The following TMEM230 variants were observed in gnomAD, a reference collection of about 807,000 sequenced individuals.
The protein encoded by TMEM230 is UPF0414 transmembrane protein C20orf30.
TMEM230 carries 10 observed loss-of-function variants against 15.8 expected under a neutral mutation model. The ratio of observed to expected loss-of-function variants is 0.63; its 90% CI spans 0.39 to 1.07. TMEM230 has a LOEUF of 1.07. Ranked by LOEUF, TMEM230 falls within the 50% of genes least tolerant of loss-of-function variation. The pLI is 0.01. For synonymous variants in TMEM230, 67 were observed against 76.9 expected, an observed-to-expected ratio of 0.87 and a Z score of 0.68; for missense variants, 165 against 193.3, an observed-to-expected ratio of 0.85 and a Z score of 0.87.
At chr20:5,071,551 C>T (rs754858307) in intron 3 of TMEM230, among the ~76,000 whole-genome samples, 6 of 148,728 alleles carry the variant, frequency 4.0e-5, no homozygotes, top group Non-Finnish European at 7.4e-5. Context: ...TGAACCCGGA[C>T]GGCGGAGGTT....
At chr20:5,099,542 C>A (rs1198264848), downstream of TMEM230, among the ~76,000 whole-genome samples, 1 of 151,974 alleles carries the variant, frequency 6.6e-6, no homozygotes, top group Non-Finnish European at 1.5e-5. Flanking sequence ...TTTTAAGATA[C>A]TGTCCAAATG....
At chr20:5,061,138 A>G in the TMEM230 span, 1 of 152,226 alleles carries the variant, frequency 6.6e-6, no homozygotes, top group Non-Finnish European at 1.5e-5. Context: ...GTATGCTTGT[A>G]TAACATATTA....
chr20:5,063,634 C>T (rs780463175), downstream of TMEM230, among the ~76,000 whole-genome samples: 1 of 152,088 alleles, frequency 6.6e-6, no homozygotes, highest in Non-Finnish European at 1.5e-5. Flanking sequence ...AGGAACTAAG[C>T]TTTCTTTGAG....
chr20:5,064,896 C>T (rs780373248), downstream of TMEM230, among the ~76,000 whole-genome samples: 53 of 151,228 alleles, frequency 3.5e-4, no homozygotes, highest in Non-Finnish European at 6.3e-4. Context: ...AGGGGCTAGG[C>T]GTGGTGGCTC....
intron 3 of TMEM230, 35 bp downstream of exon 2, chr20:5,109,297 G>T: frequency 6.5e-7 from 1 of 1,539,124 alleles, no homozygotes; most frequent in Non-Finnish European, 8.9e-7. Context: ...CAGAAACACA[G>T]CCAGTCAGTC....
chr20:5,094,655 T>C (rs2089612505), intron 3 of TMEM230, among the ~76,000 whole-genome samples: 1 of 131,210 alleles, frequency 7.6e-6, no homozygotes, highest in South Asian at 2.4e-4. Flanking sequence ...TGCAGTGAGC[T>C]GAGATCCCGC....
downstream of TMEM230, among the ~76,000 whole-genome samples, chr20:5,067,042 G>A (rs1174633831): frequency 6.6e-6 from 1 of 152,162 alleles, no homozygotes; most frequent in Non-Finnish European, 1.5e-5. Flanking sequence ...CCAAGTAGTG[G>A]AGAAGTGAGA....
chr20:5,078,567 T>C lies in TMEM230; in HGVS notation c.223-9218A>G, dbSNP rs73589369. On this transcript the variant is annotated intron_variant, in intron 3 of 3. Transcript: ENST00000612323. ...AAAGGTGTACTTCACTCTCGCACTTTGTGTTCATTATGGGTCAACGCGGGG... is the reference window on the plus strand; with the variant it reads ...AAAGGTGTACTTCACTCTCGCACTTCGTGTTCATTATGGGTCAACGCGGGG... Among the ~76,000 whole-genome samples the C allele has an allele frequency of 7.5e-3, 1,143 of 152,318 alleles. 18 individuals are homozygous for C. The highest frequency in any genetic ancestry group is 0.025 in the African/African-American group (1,036 of 41,574).
chr20:5,073,314 C>A (rs1377874435), intron 3 of TMEM230, among the ~76,000 whole-genome samples: 1 of 152,220 alleles, frequency 6.6e-6, no homozygotes, highest in African/African-American at 2.4e-5. Flanking sequence ...GTGGGGCACA[C>A]AAAGACAATG....
intron 3 of TMEM230, among the ~76,000 whole-genome samples, chr20:5,089,141 G>A (rs891858283): frequency 2.6e-5 from 4 of 152,054 alleles, no homozygotes; most frequent in Non-Finnish European, 5.9e-5. Context: ...TTGCAGGGCC[G>A]AAGCAGGCAG....
intron 3 of TMEM230, among the ~76,000 whole-genome samples, chr20:5,075,590 T>C (rs917050219): frequency 5.3e-5 from 8 of 150,400 alleles, no homozygotes; most frequent in Non-Finnish European, 8.9e-5. Context: ...CCGGGCTTGG[T>C]GGCACACGCC....
rs113109097 is a variant in TMEM230, at chr20:5,105,496, C to G, written c.411+692G>C. On this transcript the variant is annotated intron_variant, in intron 4 of 4. Coordinates refer to ENST00000342308, the MANE Select transcript of TMEM230 (RefSeq NM_001009923.2). ...ATTCCAGCTACTCGGGAGGCTGAGG[C>G]ACAAGAATAGCATGAACCTGGGAGG... Among the ~76,000 whole-genome samples, 50 of 151,396 alleles carry G rather than the reference C, an allele frequency of 3.3e-4. 2 individuals carry two copies. In the South Asian group the frequency reaches 4.2e-3, roughly 13 times the overall value.
intron 3 of TMEM230, among the ~76,000 whole-genome samples, chr20:5,075,178 G>A (rs549912900): frequency 9.9e-5 from 15 of 151,420 alleles, no homozygotes; most frequent in Non-Finnish European, 1.5e-4. Context: ...TGATTCTCCT[G>A]CCTCAGCCTC....
downstream of TMEM230, chr20:5,066,445 G>A (rs2088653540): frequency 6.6e-6 from 1 of 152,158 alleles, no homozygotes; most frequent in South Asian, 2.1e-4. Flanking sequence ...TGAGGTGTGA[G>A]GATCATCTGA....
rs1325466322 is a variant in TMEM230, at chr20:5,100,843, G to A, written c.500C>T (p.Ser167Phe). 6.2e-7 allele frequency: 1 copy of A among 1,614,030 alleles called. No homozygotes were observed. Among genetic ancestry groups the A allele is most frequent in the Non-Finnish European group, 8.5e-7 (1 of 1,180,038 alleles). ...ATAGGAGTAACCACGGTAGCCTTTG[G>A]ATGCATAGTAAGCGATGCGCAGGTG... The change falls in exon 5 of 5, where the codon TCC becomes TTC. Residue 167 changes from serine to phenylalanine, a missense_variant. Physicochemically the swap from Ser to Phe is radical, Grantham distance 155. Coordinates refer to ENST00000342308, the MANE Select transcript of TMEM230 (RefSeq NM_001009923.2).
At chr20:5,066,063 A>G (rs1024190680), downstream of TMEM230, 1 of 152,234 alleles carries the variant, frequency 6.6e-6, no homozygotes, top group Non-Finnish European at 1.5e-5. Context: ...GCACACCCAT[A>G]TTGGCCCAGA....
At chr20:5,091,501 G>A (rs147532911) in intron 3 of TMEM230, among the ~76,000 whole-genome samples, 234 of 152,196 alleles carry the variant, frequency 1.5e-3, no homozygotes, top group Non-Finnish European at 2.0e-3. Context: ...GTGAGCCACC[G>A]CACCCAGCTG....
rs1241272250 is a variant in TMEM230, at chr20:5,109,525, G to A, written c.175-80C>T. 5.4e-6 allele frequency: 6 copies of A among 1,111,054 alleles called. No individual in the cohort carries two copies. In the African/African-American group the frequency reaches 9.3e-5, roughly 17 times the overall value. 68.8% of individuals were successfully genotyped at this position (1,111,054 alleles called of 1,614,324 possible). A position where few individuals can be genotyped will look rare whatever the true frequency, so the allele number is the denominator to read the frequency against. ...ATAGCCAATGAGTTCAGGATTATTA[G>A]ATGCTGTGCACTGGAGTTCTGGGCT... On this transcript the variant is annotated intron_variant, in intron 2 of 4. Transcript: ENST00000342308.
chr20:5,064,744 G>C (rs1273841978), downstream of TMEM230, among the ~76,000 whole-genome samples: 1 of 151,950 alleles, frequency 6.6e-6, no homozygotes, highest in Non-Finnish European at 1.5e-5. Context: ...CAAACCAAAT[G>C]CTAATTCAAT....
Sources: allele counts gnomAD v4.1 joint callset (sites outside exome capture counted in the v4.1 genomes callset), GRCh38; gene constraint gnomAD v4.1.1; transcripts MANE v1.5; gene names NCBI Gene and HGNC (gene_info 2026-07-23, HGNC 2026-07-21).